Variants in SLC25A24 observed in about 807,000 individuals in gnomAD.
The protein encoded by SLC25A24 is mitochondrial adenyl nucleotide antiporter SLC25A24.
Under a neutral mutation model 60.7 loss-of-function variants are expected in SLC25A24, and 49 were observed. That is an observed-to-expected ratio of 0.81 (90% CI 0.64 to 1.02). The LOEUF is 1.02. Among genes scored for constraint, SLC25A24 ranks in the 50% least tolerant of loss-of-function variants. The pLI is 0.00. For synonymous variants in SLC25A24, 202 were observed against 200.6 expected (o/e 1.01, Z -0.06); for missense variants, 564 against 586.3 (o/e 0.96, Z 0.39).
At chr1:108,172,326 G>C (rs1647492080) in intron 3 of SLC25A24, among the ~76,000 whole-genome samples, 1 of 152,172 alleles carries the variant, frequency 6.6e-6, no homozygotes. Context: ...AGTCTGTTTT[G>C]TGTTGTTTTA....
chr1:108,164,052 T>C (rs917817413), intron 3 of SLC25A24, among the ~76,000 whole-genome samples: 2 of 152,224 alleles, frequency 1.3e-5, no homozygotes, highest in African/African-American at 4.8e-5. Context: ...GAGATAATCA[T>C]GTGGTTTTTG....
At position 108,172,221 on chromosome 1, in the gene SLC25A24, T is replaced by C. The variant is rs1222327587; in HGVS notation, c.398+9720A>G. On this transcript the variant is annotated intron_variant, in intron 3 of 9. Coordinates refer to ENST00000565488, the MANE Select transcript of SLC25A24 (RefSeq NM_013386.5). ...GCTACTTCATATCTACAGCTTCTAC[T>C]GAACAGGTGTAAGTAGGAGGCTATA... 2.0e-5 allele frequency among the ~76,000 whole-genome samples: 3 copies of C among 152,330 alleles called. No individual in the cohort carries two copies. The East Asian group carries it at 5.8e-4, about 29-fold the overall frequency.
intron 5 of SLC25A24, among the ~76,000 whole-genome samples, chr1:108,155,618 T>TACCC (rs1416667002): frequency 6.6e-6 from 1 of 152,080 alleles, no homozygotes; most frequent in African/African-American, 2.4e-5. Flanking sequence ...AGACATGAAC[T>TACCC]GTAAATGGGT....
At chr1:108,145,136 A>C (rs1348829216) in intron 7 of SLC25A24, among the ~76,000 whole-genome samples, 1 of 152,150 alleles carries the variant, frequency 6.6e-6, no homozygotes, top group Non-Finnish European at 1.5e-5. Context: ...ATGGTATGCC[A>C]TTGTGGTTTT....
intron 2 of SLC25A24, among the ~76,000 whole-genome samples, chr1:108,184,350 AT>A (rs1042420626): frequency 1.8e-4 from 28 of 152,336 alleles, no homozygotes; most frequent in African/African-American, 6.7e-4. Context: ...CGATGTTGGA[AT>A]GAAAGTTTGC....
chr1:108,165,139 T>C (rs943502663), intron 3 of SLC25A24, among the ~76,000 whole-genome samples: 1 of 151,400 alleles, frequency 6.6e-6, no homozygotes, highest in African/African-American at 2.4e-5. Flanking sequence ...CTAGTTTGAT[T>C]GCACTGTGGT....
At chr1:108,187,927 G>GATAGATAGATATATAGAT in intron 1 of SLC25A24, among the ~76,000 whole-genome samples, 1 of 95,748 alleles carries the variant, frequency 1.0e-5, no homozygotes, top group Non-Finnish European at 2.1e-5. Context: ...AGACATTATA[G>GATAGATAGATATATAGAT]ATATATATAT....
intron 5 of SLC25A24, among the ~76,000 whole-genome samples, chr1:108,156,969 C>A (rs1218766101): frequency 2.6e-5 from 4 of 152,204 alleles, no homozygotes; most frequent in African/African-American, 7.2e-5. Context: ...CATATTAATT[C>A]TTTTCCATTC....
intron 3 of SLC25A24, among the ~76,000 whole-genome samples, chr1:108,172,245 T>C (rs1007939655): frequency 5.9e-5 from 9 of 152,232 alleles, no homozygotes; most frequent in Non-Finnish European, 1.3e-4. Flanking sequence ...TAGGAGGCTA[T>C]ATTTCAACTC....
At position 108,149,955 on chromosome 1, in the gene SLC25A24, C is replaced by G. The variant is rs138489045; in HGVS notation, c.823-1569G>C. On this transcript the variant is annotated intron_variant, in intron 6 of 9. Coordinates refer to ENST00000565488, the MANE Select transcript of SLC25A24 (RefSeq NM_013386.5). ...AAGTATATTATCATTTCATGAGATT[C>G]CCAAATACCAGACATTCCTCCCCAG... Among the ~76,000 whole-genome samples, 152 of 152,250 alleles carry G rather than the reference C, an allele frequency of 1.0e-3. 1 individual carries two copies. Among genetic ancestry groups the G allele is most frequent in the African/African-American group, 3.6e-3 (148 of 41,534 alleles).
intron 1 of SLC25A24, among the ~76,000 whole-genome samples, chr1:108,193,407 C>G (rs1648406813): frequency 7.2e-6 from 1 of 138,224 alleles, no homozygotes; most frequent in Non-Finnish European, 1.6e-5. Flanking sequence ...CAAGGTTTAG[C>G]TCCCCCTGTA....
At chr1:108,153,443 G>C (rs1679807096) in intron 6 of SLC25A24, among the ~76,000 whole-genome samples, 1 of 152,164 alleles carries the variant, frequency 6.6e-6, no homozygotes, top group Non-Finnish European at 1.5e-5. Flanking sequence ...AAAACAATGG[G>C]TTTTCCATCA....
chr1:108,197,117 A>G (rs567799027), intron 1 of SLC25A24, among the ~76,000 whole-genome samples: 10 of 152,164 alleles, frequency 6.6e-5, no homozygotes, highest in Admixed American at 6.5e-4. Flanking sequence ...AAAAAAATGT[A>G]GCGCTTTCAC....
chr1:108,175,726 C>T (rs1490551665), intron 3 of SLC25A24, among the ~76,000 whole-genome samples: 1 of 151,980 alleles, frequency 6.6e-6, no homozygotes, highest in African/African-American at 2.4e-5. Context: ...AAAAGACAGA[C>T]AGTAATGAGT....
chr1:108,194,982 AT>A (rs1230503243), intron 1 of SLC25A24, among the ~76,000 whole-genome samples: 3 of 152,218 alleles, frequency 2.0e-5, no homozygotes, highest in Non-Finnish European at 4.4e-5. Flanking sequence ...AAAACAGTTA[AT>A]GTGTAGTAAA....
intron 3 of SLC25A24, among the ~76,000 whole-genome samples, chr1:108,171,046 C>G (rs1037904000): frequency 1.3e-5 from 2 of 152,154 alleles, no homozygotes; most frequent in Non-Finnish European, 2.9e-5. Flanking sequence ...TTTCTCACAT[C>G]TTACCTATTG....
At chr1:108,168,088 A>C (rs2101626062) in intron 3 of SLC25A24, among the ~76,000 whole-genome samples, 1 of 152,344 alleles carries the variant, frequency 6.6e-6, no homozygotes, top group South Asian at 2.1e-4. Flanking sequence ...TGCATCCTAC[A>C]AATTTTATTC....
chr1:108,161,715 A>T (rs1161292488), intron 3 of SLC25A24, among the ~76,000 whole-genome samples: 2 of 152,214 alleles, frequency 1.3e-5, no homozygotes, highest in African/African-American at 2.4e-5. Context: ...TATACTCAAA[A>T]CATGCTATCA....
At chr1:108,161,117 T>C in intron 4 of SLC25A24, 65 bp downstream of exon 4, 1 of 872,908 alleles carries the variant, frequency 1.1e-6, no homozygotes, top group Non-Finnish European at 1.9e-6. Flanking sequence ...CAGAGTGTTC[T>C]TGGGTGATAA....
Sources: allele counts gnomAD v4.1 joint callset (sites outside exome capture counted in the v4.1 genomes callset), GRCh38; gene constraint gnomAD v4.1.1; transcripts MANE v1.5; gene names NCBI Gene and HGNC (gene_info 2026-07-23, HGNC 2026-07-21).